WDR64: variants seen among roughly 807,000 people sequenced by gnomAD.
WDR64 encodes WD repeat-containing protein 64.
In WDR64, 112 loss-of-function variants were observed where a neutral mutation model predicts 139.3. The observed-to-expected ratio is 0.80, with a 90% confidence interval of 0.69 to 0.94. The LOEUF is 0.94. WDR64 is among the 40% of genes least tolerant of loss of function. WDR64 has a pLI of 0.00. For synonymous variants in WDR64, 444 were observed against 437.7 expected, an observed-to-expected ratio of 1.01 and a Z score of -0.18; for missense variants, 1,206 against 1,293.1, an observed-to-expected ratio of 0.93 and a Z score of 1.03.
chr1:241,734,473 G>T (rs999120885), intron 10 of WDR64, among the ~76,000 whole-genome samples: 1 of 152,010 alleles, frequency 6.6e-6, no homozygotes, highest in South Asian at 2.1e-4. Context: ...GAACACCTAA[G>T]AATAAAGTAA....
At chr1:241,708,719 T>TTTTTTTTTTTTTTG in intron 8 of WDR64, among the ~76,000 whole-genome samples, 1 of 143,814 alleles carries the variant, frequency 7.0e-6, no homozygotes, top group African/African-American at 2.7e-5. Flanking sequence ...TTTGTTTTTT[T>TTTTTTTTTTTTTTG]TTTTAAGGAT....
In WDR64 at chr1:241,672,939, G is replaced by A. The variant is rs545206372; in HGVS notation, c.380-1705G>A. On this transcript the variant is annotated intron_variant, in intron 3 of 27. Transcript: ENST00000437684. ...TCTGAATGAGGCACAAAGCTACAAG[G>A]GGGCTGTGGATAGAGGAGGGAGTCA... Among the ~76,000 whole-genome samples, 37 of 152,224 alleles carry A rather than the reference G, an allele frequency of 2.4e-4. No individual in the cohort carries two copies. In the South Asian group the frequency reaches 6.8e-3, roughly 28 times the overall value.
intron 8 of WDR64, among the ~76,000 whole-genome samples, chr1:241,696,612 C>T (rs1287100785): frequency 6.6e-6 from 1 of 151,880 alleles, no homozygotes; most frequent in African/African-American, 2.4e-5. Flanking sequence ...TTTTTTAGAC[C>T]ATAGAGGGTA....
At chr1:241,777,809 G>C (rs561272522) in intron 21 of WDR64, among the ~76,000 whole-genome samples, 1 of 152,218 alleles carries the variant, frequency 6.6e-6, no homozygotes, top group South Asian at 2.1e-4. Context: ...TAATCTCCAA[G>C]TACTTGGGGA....
At position 241,764,450 on chromosome 1, in the gene WDR64, C is replaced by T. The variant is rs370137798; in HGVS notation, c.1948-1768C>T. ...AGAGGATCACTTGAGGCCAGGAGTT[C>T]GAGGCCAGCCTGGGCAACATAGGCC... On this transcript the variant is annotated intron_variant, in intron 15 of 27. Coordinates refer to ENST00000437684, the MANE Select transcript of WDR64 (RefSeq NM_001367482.1). 8.4e-4 allele frequency among the ~76,000 whole-genome samples: 128 copies of T among 152,080 alleles called. 5 individuals are homozygous for T. The South Asian group carries it at 0.025, about 29-fold the overall frequency.
intron 9 of WDR64, among the ~76,000 whole-genome samples, chr1:241,717,881 T>C (rs1668464169): frequency 6.6e-6 from 1 of 152,176 alleles, no homozygotes; most frequent in African/African-American, 2.4e-5. Context: ...CTTAGAATAA[T>C]AGTAATAGTA....
chr1:241,746,825 T>G (rs1184250961), intron 13 of WDR64, among the ~76,000 whole-genome samples: 5 of 149,170 alleles, frequency 3.4e-5, no homozygotes, highest in Non-Finnish European at 7.4e-5. Flanking sequence ...GGGCGCAGGG[T>G]CTCGGCTCAC....
chr1:241,797,977 T>G (rs1179968418), intron 27 of WDR64, among the ~76,000 whole-genome samples: 1 of 152,134 alleles, frequency 6.6e-6, no homozygotes, highest in Non-Finnish European at 1.5e-5. Context: ...AGAAAGAAGA[T>G]GGCCAAATAT....
intron 25 of WDR64, 115 bp from the exon 26 acceptor site, chr1:241,795,092 G>C (rs1659324443): frequency 4.0e-6 from 3 of 755,358 alleles, no homozygotes; most frequent in Non-Finnish European, 6.6e-6. Flanking sequence ...AGGTAACAGG[G>C]AAGTCCCTTA....
intron 22 of WDR64, among the ~76,000 whole-genome samples, chr1:241,782,158 C>A (rs1037507478): frequency 2.0e-5 from 3 of 152,142 alleles, no homozygotes; most frequent in Non-Finnish European, 4.4e-5. Context: ...CGTGGCGGCA[C>A]GTGCCGGTAG....
intron 26 of WDR64, among the ~76,000 whole-genome samples, chr1:241,795,703 C>T (rs1160225669): frequency 6.6e-6 from 1 of 152,068 alleles, no homozygotes. Flanking sequence ...GCCCGTGCTG[C>T]CCCCCTGCCC....
At chr1:241,762,892 TG>T (rs1657987035) in intron 15 of WDR64, among the ~76,000 whole-genome samples, 1 of 152,194 alleles carries the variant, frequency 6.6e-6, no homozygotes, top group Non-Finnish European at 1.5e-5. Context: ...AATGTCAGTT[TG>T]GAACTGCAAT....
chr1:241,708,712 G>GTTTTT (rs1242904479), intron 8 of WDR64, among the ~76,000 whole-genome samples: 1 of 43,810 alleles, frequency 2.3e-5, no homozygotes, highest in Non-Finnish European at 4.8e-5. Flanking sequence ...TTGTTTTTTT[G>GTTTTT]TTTTTTTTTT....
intron 8 of WDR64, among the ~76,000 whole-genome samples, chr1:241,700,670 A>G (rs1667676752): frequency 6.6e-6 from 1 of 152,204 alleles, no homozygotes; most frequent in Non-Finnish European, 1.5e-5. Context: ...TTTGTTGGCC[A>G]TGTGGTCTTG....
rs12566066 is a variant in WDR64, at chr1:241,656,912, C to G, written c.146-3618C>G. Among the ~76,000 whole-genome samples the G allele has an allele frequency of 0.83, 123,480 of 148,038 alleles. 51,303 individuals carry two copies. Among genetic ancestry groups the G allele is most frequent in the Non-Finnish European group, 0.88 (59,596 of 67,440 alleles). ...TGTGTGTGTGTGTGTGTGTGTGTGT[C>G]TGTCTGGGGATGGAGGTGAGGTGCA... is the stretch of plus-strand genomic sequence containing the variant. On this transcript the variant is annotated intron_variant, in intron 1 of 27. Transcript: ENST00000437684. This position sits in a 1 kb window ranked among gnomAD's most constrained non-coding sequence, Gnocchi z 4.3.
rs1574009019 is a variant in WDR64, at chr1:241,687,577, A to T, written c.956A>T (p.Lys319Met). 1.2e-6 allele frequency: 2 copies of T among 1,613,218 alleles called. No individual in the cohort carries two copies. The highest frequency in any genetic ancestry group is 4.5e-5 in the East Asian group (2 of 44,830). Reference sequence around the variant, plus strand: ...CATTCATTAGTTTTGGAATCCTTGAAGAGACTCGAGGATAATTTGTAAGTA... The same window carrying T: ...CATTCATTAGTTTTGGAATCCTTGATGAGACTCGAGGATAATTTGTAAGTA... ...SNHSLVLESL[K>M]RLEDNLPVRE... Residue 319 changes from lysine (K) to methionine (M), a missense_variant, in exon 8 of 28, where the codon AAG (lysine) becomes ATG (methionine). Physicochemically the swap from Lys to Met is moderately conservative, Grantham distance 95. Transcript: ENST00000437684.
chr1:241,798,775 GACTT>G (rs1659437108), intron 27 of WDR64, among the ~76,000 whole-genome samples: 1 of 152,068 alleles, frequency 6.6e-6, no homozygotes, highest in African/African-American at 2.4e-5. Flanking sequence ...AGTCTATTTT[GACTT>G]ACTATTTTTA....
intron 9 of WDR64, 37 bp from the exon 10 acceptor site, chr1:241,723,260 C>T (rs376521878): frequency 1.9e-6 from 3 of 1,611,500 alleles, no homozygotes; most frequent in Non-Finnish European, 2.5e-6. Context: ...CTGACCACCT[C>T]AGAAAACCAA....
chr1:241,661,261 T>G (rs555930008), intron 2 of WDR64, among the ~76,000 whole-genome samples: 2 of 152,112 alleles, frequency 1.3e-5, no homozygotes, highest in African/African-American at 4.8e-5. Context: ...AAGGAGAATT[T>G]AAACCTAAGA....
Sources: allele counts gnomAD v4.1 joint callset (sites outside exome capture counted in the v4.1 genomes callset), GRCh38; gene constraint gnomAD v4.1.1; non-coding constraint Gnocchi (gnomAD v3.1); transcripts MANE v1.5; gene names NCBI Gene and HGNC (gene_info 2026-07-23, HGNC 2026-07-21).